PTPRM: variants seen among roughly 807,000 people sequenced by gnomAD.
PTPRM encodes protein tyrosine phosphatase receptor type M.
PTPRM carries 47 observed loss-of-function variants against 186.7 expected under a neutral mutation model. The ratio of observed to expected loss-of-function variants is 0.25; its 90% CI spans 0.20 to 0.32. The LOEUF is 0.32. Among genes scored for constraint, PTPRM ranks in the 10% least tolerant of loss-of-function variants. The probability of loss-of-function intolerance (pLI) is 1.00; values close to 1 mark genes in which losing one functional copy is unlikely to be tolerated. For missense variants in PTPRM, 1,494 were observed against 1,865.0 expected (o/e 0.80, Z 3.66); for synonymous variants, 668 against 674.9 (o/e 0.99, Z 0.16).
chr18:8,336,775 C>G (rs964748310), intron 22 of PTPRM, among the ~76,000 whole-genome samples: 1 of 151,706 alleles, frequency 6.6e-6, no homozygotes, highest in Non-Finnish European at 1.5e-5. Context: ...GTCAGGAGAT[C>G]GAGACGTTGG....
intron 17 of PTPRM, among the ~76,000 whole-genome samples, chr18:8,249,914 C>T (rs1601471733): frequency 6.6e-6 from 1 of 152,240 alleles, no homozygotes; most frequent in East Asian, 1.9e-4. Context: ...AATGGTAGTA[C>T]TTGGGAACTG....
chr18:7,705,456 TA>T (rs1416274878), intron 1 of PTPRM, among the ~76,000 whole-genome samples: 1 of 152,064 alleles, frequency 6.6e-6, no homozygotes, highest in African/African-American at 2.4e-5. Flanking sequence ...TGTATAGTTT[TA>T]AAATATTCTT....
At chr18:7,666,751 A>G (rs1181326897) in intron 1 of PTPRM, among the ~76,000 whole-genome samples, 1 of 152,142 alleles carries the variant, frequency 6.6e-6, no homozygotes, top group African/African-American at 2.4e-5. Context: ...TTCCCACTAT[A>G]TCCAATGTAA....
At chr18:8,021,248 G>T (rs910135508) in intron 7 of PTPRM, among the ~76,000 whole-genome samples, 23 of 151,444 alleles carry the variant, frequency 1.5e-4, no homozygotes, top group African/African-American at 5.6e-4. Flanking sequence ...CAGGTGCTGT[G>T]GTATATTACT....
intron 11 of PTPRM, among the ~76,000 whole-genome samples, chr18:8,111,901 A>G (rs1386362829): frequency 1.3e-5 from 2 of 152,180 alleles, no homozygotes; most frequent in Non-Finnish European, 2.9e-5. Flanking sequence ...GAGAATGGTC[A>G]CGCTTCCTTA....
chr18:7,675,440 A>G (rs185999736), intron 1 of PTPRM, among the ~76,000 whole-genome samples: 2 of 152,304 alleles, frequency 1.3e-5, no homozygotes, highest in East Asian at 3.9e-4. Flanking sequence ...TAAACTCACC[A>G]GGAGCCCACT....
chr18:7,934,312 T>TAC (rs1216950888), intron 5 of PTPRM, among the ~76,000 whole-genome samples: 2 of 145,718 alleles, frequency 1.4e-5, no homozygotes, highest in African/African-American at 5.4e-5. Context: ...TAGAGATTGA[T>TAC]ATATTTTTTT....
chr18:7,963,356 C>T (rs1041702755), intron 7 of PTPRM, among the ~76,000 whole-genome samples: 13 of 152,188 alleles, frequency 8.5e-5, no homozygotes, highest in Non-Finnish European at 1.9e-4. Flanking sequence ...AAGGCAGCAG[C>T]AGAGGGGTAT....
chr18:7,879,770 T>C (rs2146269295), intron 2 of PTPRM, among the ~76,000 whole-genome samples: 1 of 152,166 alleles, frequency 6.6e-6, no homozygotes, highest in East Asian at 1.9e-4. Context: ...TAGAACAGAG[T>C]AACGTGAACT....
chr18:7,599,991 C>T (rs988747152), intron 1 of PTPRM, among the ~76,000 whole-genome samples: 2 of 152,194 alleles, frequency 1.3e-5, no homozygotes, highest in African/African-American at 4.8e-5. Flanking sequence ...TCCTGTAATG[C>T]ACCCTGCTTT....
At chr18:7,958,673 A>C (rs972671091) in intron 7 of PTPRM, among the ~76,000 whole-genome samples, 3 of 152,174 alleles carry the variant, frequency 2.0e-5, no homozygotes, top group African/African-American at 7.2e-5. Context: ...GGATATTTCT[A>C]CCCTGAAAGC....
intron 11 of PTPRM, among the ~76,000 whole-genome samples, chr18:8,095,090 G>A (rs2090948174): frequency 6.6e-6 from 1 of 152,086 alleles, no homozygotes; most frequent in African/African-American, 2.4e-5. Flanking sequence ...TAAGCATTGG[G>A]GATATGGAGG....
intron 2 of PTPRM, among the ~76,000 whole-genome samples, chr18:7,832,615 A>T (rs1478721898): frequency 3.9e-5 from 6 of 152,088 alleles, no homozygotes; most frequent in African/African-American, 1.2e-4. Flanking sequence ...GAAGCTTTTT[A>T]ACTTGATGTA....
chr18:7,940,026 T>C (rs1400050565), intron 5 of PTPRM, among the ~76,000 whole-genome samples: 1 of 152,106 alleles, frequency 6.6e-6, no homozygotes, highest in Non-Finnish European at 1.5e-5. Context: ...GTCACTGTCA[T>C]GGGGAAAGGA....
chr18:7,880,544 T>C (rs1278358364), intron 2 of PTPRM, among the ~76,000 whole-genome samples: 1 of 152,210 alleles, frequency 6.6e-6, no homozygotes, highest in African/African-American at 2.4e-5. Context: ...AGGAGGGATA[T>C]ATGATATCTG....
At chr18:7,793,488 A>T (rs1799988088) in intron 2 of PTPRM, among the ~76,000 whole-genome samples, 1 of 152,034 alleles carries the variant, frequency 6.6e-6, no homozygotes, top group Admixed American at 6.5e-5. Flanking sequence ...TTTCTCTTAA[A>T]TTTTTTTCAC....
chr18:7,733,268 G>A (rs184752581), intron 1 of PTPRM, among the ~76,000 whole-genome samples: 179 of 152,090 alleles, frequency 1.2e-3, no homozygotes, highest in African/African-American at 4.2e-3. Flanking sequence ...CCTGGTGTGT[G>A]TTGTTCTCCT....
intron 2 of PTPRM, among the ~76,000 whole-genome samples, chr18:7,816,428 G>GT (rs2044828946): frequency 6.6e-6 from 1 of 152,122 alleles, no homozygotes; most frequent in Non-Finnish European, 1.5e-5. Flanking sequence ...TTTAAGAATT[G>GT]TAAGTTGCAA....
chr18:7,600,294 G>A (rs2037368076), intron 1 of PTPRM, among the ~76,000 whole-genome samples: 1 of 152,192 alleles, frequency 6.6e-6, no homozygotes, highest in Admixed American at 6.5e-5. Context: ...TAGTTAGCAT[G>A]CCTCGAAGGC....
Sources: allele counts gnomAD v4.1 joint callset (sites outside exome capture counted in the v4.1 genomes callset), GRCh38; gene constraint gnomAD v4.1.1; transcripts MANE v1.5; gene names NCBI Gene and HGNC (gene_info 2026-07-23, HGNC 2026-07-21).